The following EYS variants were observed in gnomAD, a reference collection of about 807,000 sequenced individuals.
EYS encodes the protein protein eyes shut homolog.
Under a neutral mutation model 282.1 loss-of-function variants are expected in EYS, and 250 were observed. The ratio of observed to expected loss-of-function variants is 0.89; its 90% CI spans 0.80 to 0.98. EYS has a LOEUF of 0.98. EYS is among the 50% of genes least tolerant of loss of function. The probability of loss-of-function intolerance (pLI) is 0.00; values close to 1 mark genes in which losing one functional copy is unlikely to be tolerated. For missense variants in EYS, 4,016 were observed against 3,709.0 expected, an observed-to-expected ratio of 1.08 and a Z score of -2.15; for synonymous variants, 1,355 against 1,282.9, an observed-to-expected ratio of 1.06 and a Z score of -1.20.
intron 12 of EYS, among the ~76,000 whole-genome samples, chr6:65,187,677 T>C (rs1765545486): frequency 6.6e-6 from 1 of 151,662 alleles, no homozygotes; most frequent in Non-Finnish European, 1.5e-5. Context: ...GTAATAAGCA[T>C]CAAAAATAAT....
Position 63,788,964 on chromosome 6 carries a change from G to T in EYS, c.7578+94C>A. ...TAGTCTGTGAACTTCGTGGATGTAG[G>T]CATCATGGGCTATTCACCTCTGTAT... On this transcript the variant is annotated intron_variant, in intron 38 of 42. Transcript: ENST00000503581. The T allele has an allele frequency of 2.4e-6, 3 of 1,245,290 alleles. No individual in the cohort carries two copies. The South Asian group carries it at 4.7e-5, about 20-fold the overall frequency. 77.1% of individuals were successfully genotyped at this position (1,245,290 alleles called of 1,614,324 possible).
intron 12 of EYS, among the ~76,000 whole-genome samples, chr6:65,222,312 G>T (rs1423555565): frequency 2.0e-5 from 3 of 152,190 alleles, no homozygotes; most frequent in African/African-American, 7.2e-5. Flanking sequence ...GAGGTACAGA[G>T]TGGGAGGCAA....
intron 14 of EYS, among the ~76,000 whole-genome samples, chr6:64,968,500 T>C (rs1372848448): frequency 6.6e-6 from 1 of 152,232 alleles, no homozygotes; most frequent in Non-Finnish European, 1.5e-5. Flanking sequence ...CACTCAAAAA[T>C]ACTTTTCTCC....
At chr6:64,195,893 G>C (rs1269972086) in intron 31 of EYS, among the ~76,000 whole-genome samples, 1 of 152,070 alleles carries the variant, frequency 6.6e-6, no homozygotes, top group Non-Finnish European at 1.5e-5. Flanking sequence ...ATTGACAAAT[G>C]GGATCTCATT....
At chr6:65,389,823 T>A (rs909097672) in intron 7 of EYS, among the ~76,000 whole-genome samples, 2 of 151,968 alleles carry the variant, frequency 1.3e-5, no homozygotes, top group African/African-American at 4.8e-5. Flanking sequence ...AACGGTAGGA[T>A]GAGAATTAAA....
intron 18 of EYS, among the ~76,000 whole-genome samples, chr6:64,889,137 T>TA (rs1767194952): frequency 1.3e-5 from 2 of 152,050 alleles, no homozygotes; most frequent in Non-Finnish European, 2.9e-5. Flanking sequence ...CAATTTTTTT[T>TA]AAACAGTAGT....
intron 1 of EYS, among the ~76,000 whole-genome samples, chr6:65,700,585 T>G (rs1173998119): frequency 6.6e-6 from 1 of 152,214 alleles, no homozygotes; most frequent in Non-Finnish European, 1.5e-5. Context: ...AAACCTCTGG[T>G]GCGTAATATT....
At chr6:65,329,492 C>T in intron 11 of EYS, 1 of 977,786 alleles carries the variant, frequency 1.0e-6, no homozygotes. Context: ...AAGATTTAGA[C>T]ACTTGATCTA....
chr6:64,334,241 G>C (rs1582614223), intron 29 of EYS, among the ~76,000 whole-genome samples: 1 of 152,056 alleles, frequency 6.6e-6, no homozygotes, highest in Admixed American at 6.6e-5. Context: ...GGGTTATATT[G>C]GATCTGTGGA....
chr6:64,497,170 C>T (rs1776914537), intron 26 of EYS, among the ~76,000 whole-genome samples: 1 of 152,092 alleles, frequency 6.6e-6, no homozygotes, highest in East Asian at 1.9e-4. Flanking sequence ...TTTGGGAGCA[C>T]ACATTCTACA....
intron 12 of EYS, among the ~76,000 whole-genome samples, chr6:65,276,961 A>C (rs2150271092): frequency 6.6e-6 from 1 of 152,314 alleles, no homozygotes; most frequent in African/African-American, 2.4e-5. Flanking sequence ...CATATAACAA[A>C]GTATTGAAGT....
At position 63,784,926 on chromosome 6, in the gene EYS, G is replaced by C. The variant is rs562170525; in HGVS notation, c.7723+3179C>G. ...CAGGGAAGGGTGAGTAGTCAAAGAT[G>C]ACAGTAAGCCTGTCATTCTAACTTC... On this transcript the variant is annotated intron_variant, in intron 39 of 42. Transcript: ENST00000503581. Among the ~76,000 whole-genome samples the C allele has an allele frequency of 9.7e-4, 147 of 152,266 alleles. 2 individuals carry two copies. In the South Asian group the frequency reaches 0.029, roughly 30 times the overall value.
Position 64,230,672 on chromosome 6 carries a change from T to A in EYS, c.6344A>T (p.His2115Leu), listed in dbSNP as rs1046447869. 1 of 1,551,574 alleles carries A rather than the reference T, an allele frequency of 6.4e-7. No individual in the cohort carries two copies. The highest frequency in any genetic ancestry group is 1.4e-5 in the African/African-American group (1 of 73,166). The change falls in exon 31 of 43, where the codon CAT becomes CTT. Residue 2115 changes from histidine to leucine, a missense_variant. Coordinates refer to ENST00000503581, the MANE Select transcript of EYS (RefSeq NM_001142800.2). ...TATGCCACTGGAGAGGAAGATGGCA[T>A]GGCATGTGCCTCCATTGTGGCATAC... ...QDVCHNGGTC[H>L]AIFLSSGIVS...
chr6:64,212,698 G>A (rs1219906218), intron 31 of EYS, among the ~76,000 whole-genome samples: 1 of 151,898 alleles, frequency 6.6e-6, no homozygotes, highest in Non-Finnish European at 1.5e-5. Flanking sequence ...GGAAGACAGT[G>A]TGACTATTTT....
chr6:65,195,124 A>G (rs966880068), intron 12 of EYS, among the ~76,000 whole-genome samples: 1 of 151,978 alleles, frequency 6.6e-6, no homozygotes, highest in African/African-American at 2.4e-5. Context: ...TTTTTGTCTT[A>G]TATTAAGGAT....
Position 64,423,460 on chromosome 6 carries a change from T to C in EYS, c.5927+12714A>G, listed in dbSNP as rs140906281. Among the ~76,000 whole-genome samples, 625 of 152,280 alleles carry C rather than the reference T, an allele frequency of 4.1e-3. 4 individuals are homozygous for C. Among genetic ancestry groups the C allele is most frequent in the Non-Finnish European group, 6.0e-3 (411 of 68,020 alleles). On this transcript the variant is annotated intron_variant, in intron 28 of 42. Coordinates refer to ENST00000503581, the MANE Select transcript of EYS (RefSeq NM_001142800.2). Reference sequence around the variant, plus strand: ...AATTAGTTCTAATTACTGACAGACATGTAGTAGGTAGTGTTTCCTAACATT... The same window carrying C: ...AATTAGTTCTAATTACTGACAGACACGTAGTAGGTAGTGTTTCCTAACATT...
intron 35 of EYS, among the ~76,000 whole-genome samples, chr6:63,880,308 T>G (rs1562075903): frequency 6.6e-6 from 1 of 152,192 alleles, no homozygotes; most frequent in Non-Finnish European, 1.5e-5. Flanking sequence ...CTCCTGTGCT[T>G]GGATGCTTCC....
intron 15 of EYS, among the ~76,000 whole-genome samples, chr6:64,922,831 G>A (rs1768391944): frequency 6.6e-6 from 1 of 152,022 alleles, no homozygotes; most frequent in Non-Finnish European, 1.5e-5. Flanking sequence ...CAGTCATCTG[G>A]GTCTCCTGGA....
intron 2 of EYS, among the ~76,000 whole-genome samples, chr6:65,507,518 T>G (rs1766700542): frequency 6.6e-6 from 1 of 152,112 alleles, no homozygotes; most frequent in African/African-American, 2.4e-5. Context: ...TTCAAATATT[T>G]TTTCAGCTCT....
Sources: gnomAD v4.1 joint callset for allele counts (sites outside exome capture counted in the v4.1 genomes callset) on GRCh38, gnomAD v4.1.1 for gene constraint, MANE v1.5 for transcripts, NCBI Gene and HGNC (gene_info 2026-07-23, HGNC 2026-07-21) for gene names.